The following LEMD3 variants were observed in gnomAD, a reference collection of about 807,000 sequenced individuals.
LEMD3 encodes inner nuclear membrane protein Man1.
LEMD3 carries 33 observed loss-of-function variants against 95.2 expected under a neutral mutation model. The ratio of observed to expected loss-of-function variants is 0.35; its 90% CI spans 0.26 to 0.46. The LOEUF is 0.46. LEMD3 is among the 20% of genes least tolerant of loss of function. The pLI, the probability that LEMD3 is intolerant of heterozygous loss-of-function variation, is 1.00. For missense variants in LEMD3, 1,210 were observed against 1,192.8 expected, an observed-to-expected ratio of 1.01 and a Z score of -0.21; for synonymous variants, 525 against 474.6, an observed-to-expected ratio of 1.11 and a Z score of -1.38.
intron 1 of LEMD3, among the ~76,000 whole-genome samples, chr12:65,193,777 G>GTGTGTGTGTGTGTGTGTGT (rs1358595919): frequency 5.3e-5 from 3 of 56,602 alleles, no homozygotes; most frequent in African/African-American, 2.3e-4. Flanking sequence ...TGTGTGTGTT[G>GTGTGTGTGTGTGTGTGTGT]GGGGAGGGGG....
intron 1 of LEMD3, among the ~76,000 whole-genome samples, chr12:65,190,223 C>CT (rs1869195668): frequency 6.6e-6 from 1 of 152,080 alleles, no homozygotes; most frequent in South Asian, 2.1e-4. Flanking sequence ...AAATAAAATT[C>CT]GAAGGCCCCC....
intron 1 of LEMD3, among the ~76,000 whole-genome samples, chr12:65,199,048 G>A (rs752664558): frequency 2.0e-5 from 3 of 152,082 alleles, no homozygotes; most frequent in African/African-American, 7.2e-5. Context: ...TTTGTGGGAC[G>A]GGTGAAGCAG....
intron 1 of LEMD3, among the ~76,000 whole-genome samples, chr12:65,193,830 C>T (rs1366541839): frequency 6.6e-6 from 1 of 150,798 alleles, no homozygotes; most frequent in African/African-American, 2.4e-5. Context: ...CCTACTGTAA[C>T]AAGGCACTTG....
intron 9 of LEMD3, among the ~76,000 whole-genome samples, chr12:65,242,620 A>C (rs776798942): frequency 1.3e-5 from 2 of 152,170 alleles, no homozygotes; most frequent in Non-Finnish European, 1.5e-5. Context: ...AGGTCATGTC[A>C]TATCTACTCC....
At chr12:65,195,948 G>A (rs1162891679) in intron 1 of LEMD3, among the ~76,000 whole-genome samples, 2 of 152,074 alleles carry the variant, frequency 1.3e-5, no homozygotes, top group Non-Finnish European at 2.9e-5. Context: ...AAGAAGTCCT[G>A]GATCTTGTCC....
In LEMD3 at chr12:65,245,360, C is replaced by T. The variant is rs951167231; in HGVS notation, c.2388-309C>T. The T allele has an allele frequency of 2.3e-5, 7 of 299,776 alleles. 1 individual carries two copies. In the Middle Eastern group the frequency reaches 3.7e-3, roughly 157 times the overall value. The allele number at this position is 299,776 out of a possible 1,614,324, so 18.6% of individuals were successfully genotyped here. ...TTCACCGTGTTAGTCAGGATGGTCT[C>T]GATCTCCTGACCTCATGATCCGCCT... On this transcript the variant is annotated intron_variant, in intron 10 of 12. Transcript: ENST00000308330.
intron 10 of LEMD3, 45 bp from the exon 11 acceptor site, chr12:65,245,624 C>A (rs17177865): frequency 1.5e-6 from 2 of 1,321,378 alleles, no homozygotes; most frequent in African/African-American, 1.4e-5. Context: ...GAATTTTTAC[C>A]GAGTAGGAAT....
rs1257664118 is a variant in LEMD3, at chr12:65,245,256, G to A, written c.2388-413G>A. On this transcript the variant is annotated intron_variant, in intron 10 of 12. Coordinates refer to ENST00000308330, the MANE Select transcript of LEMD3 (RefSeq NM_014319.5). ...CGCCATTCTCCTGCCTCAGCCTCCC[G>A]AGTAGCTGGGACTACAGACACCTGC... 6.8e-5 allele frequency: 12 copies of A among 176,946 alleles called. No individual in the cohort carries two copies. The South Asian group carries it at 1.3e-3, about 20-fold the overall frequency. The allele number at this position is 176,946 out of a possible 1,614,324, so 11.0% of individuals were successfully genotyped here.
At chr12:65,197,337 A>G (rs1343053864) in intron 1 of LEMD3, among the ~76,000 whole-genome samples, 1 of 152,102 alleles carries the variant, frequency 6.6e-6, no homozygotes, top group Non-Finnish European at 1.5e-5. Context: ...ACTCACACAT[A>G]TTCGTGTATA....
intron 1 of LEMD3, among the ~76,000 whole-genome samples, chr12:65,208,882 G>A (rs1373619636): frequency 6.6e-6 from 1 of 152,090 alleles, no homozygotes; most frequent in Non-Finnish European, 1.5e-5. Flanking sequence ...TACAAGGCAA[G>A]AGGCAGAAAT....
intron 2 of LEMD3, among the ~76,000 whole-genome samples, chr12:65,212,479 G>C (rs1384502772): frequency 2.0e-5 from 3 of 149,338 alleles, no homozygotes; most frequent in African/African-American, 7.4e-5. Context: ...GGAGCTTGCA[G>C]TGAGCCAAGA....
intron 1 of LEMD3, among the ~76,000 whole-genome samples, chr12:65,199,159 A>T (rs1203714746): frequency 6.6e-6 from 1 of 152,072 alleles, no homozygotes; most frequent in African/African-American, 2.4e-5. Flanking sequence ...TTGAATGAGG[A>T]CTTCAGTTTT....
chr12:65,206,833 A>G lies in LEMD3; in HGVS notation c.1523-4093A>G, dbSNP rs576331844. 2.6e-5 allele frequency among the ~76,000 whole-genome samples: 4 copies of G among 152,266 alleles called. No individual in the cohort carries two copies. In the South Asian group the frequency reaches 6.2e-4, roughly 24 times the overall value. On this transcript the variant is annotated intron_variant, in intron 1 of 12. Transcript: ENST00000308330. ...TCCCCATTTTTGTCATTTTTGATGC[A>G]TTATATAATAACCAAATTAATGATT...
At chr12:65,173,234 A>G (rs1868611648) in intron 1 of LEMD3, among the ~76,000 whole-genome samples, 2 of 152,214 alleles carry the variant, frequency 1.3e-5, no homozygotes, top group Admixed American at 6.5e-5. Context: ...GTAGGATTTC[A>G]TACAGAATTA....
rs200579456 is a variant in LEMD3 at position 65,240,906 on chromosome 12, T to C, written c.2127-3T>C. On this transcript the variant is annotated splice_polypyrimidine_tract_variant and splice_region_variant and intron_variant, in intron 8 of 12. Coordinates refer to ENST00000308330, the MANE Select transcript of LEMD3 (RefSeq NM_014319.5). ...TAAATTTGCCATTTTGTTCACATGA[T>C]AGGAAAAAAATGAAGAAAGTCTGGG... 3.3e-5 allele frequency: 53 copies of C among 1,613,772 alleles called. No individual in the cohort carries two copies. The East Asian group carries it at 6.9e-4, about 21-fold the overall frequency.
chr12:65,233,746 A>G (rs964143308), intron 4 of LEMD3, among the ~76,000 whole-genome samples: 1 of 152,020 alleles, frequency 6.6e-6, no homozygotes, highest in African/African-American at 2.4e-5. Context: ...TACTAACTAA[A>G]GTTTTGTTGC....
At chr12:65,187,723 T>C (rs1013887516) in intron 1 of LEMD3, among the ~76,000 whole-genome samples, 2 of 152,122 alleles carry the variant, frequency 1.3e-5, no homozygotes, top group African/African-American at 4.8e-5. Flanking sequence ...ATGTACATTT[T>C]TGAATATGTA....
chr12:65,211,604 T>C (rs1592447401), intron 2 of LEMD3, among the ~76,000 whole-genome samples: 1 of 152,220 alleles, frequency 6.6e-6, no homozygotes, highest in Non-Finnish European at 1.5e-5. Flanking sequence ...TAGACCTGTA[T>C]AGAAAACATT....
chr12:65,175,234 G>A (rs973076214), intron 1 of LEMD3, among the ~76,000 whole-genome samples: 1 of 152,110 alleles, frequency 6.6e-6, no homozygotes, highest in African/African-American at 2.4e-5. Context: ...CTTGTTTTTT[G>A]TATCATGGGT....
Sources: allele counts gnomAD v4.1 joint callset (sites outside exome capture counted in the v4.1 genomes callset), GRCh38; gene constraint gnomAD v4.1.1; transcripts MANE v1.5; gene names NCBI Gene and HGNC (gene_info 2026-07-23, HGNC 2026-07-21).